The following ZNF311 variants were observed in gnomAD, a reference collection of about 807,000 sequenced individuals.
ZNF311 encodes zinc finger protein zfp31.
A neutral mutation model predicts 22.7 loss-of-function variants in ZNF311; 14 were observed. That is an observed-to-expected ratio of 0.62 (90% CI 0.41 to 0.96). The LOEUF is 0.96. ZNF311 is among the 40% of genes least tolerant of loss of function. The pLI is 0.00. For synonymous variants in ZNF311, 250 were observed against 275.3 expected (o/e 0.91, Z 0.91); for missense variants, 731 against 799.0 (o/e 0.91, Z 1.03).
chr6:28,995,495 C>A lies in ZNF311; in HGVS notation c.1507G>T (p.Asp503Tyr), dbSNP rs765217000. 41 of 1,612,826 alleles carry A rather than the reference C, an allele frequency of 2.5e-5. No individual in the cohort carries two copies. The highest frequency in any genetic ancestry group is 3.5e-5 in the Non-Finnish European group (41 of 1,179,568). ...HTGEKPYQCR[D>Y]CGKTFQDKHC... ...TTATCTTGGAAGGTTTTCCCACAAT[C>A]CCTGCATTGATAGGGCTTCTCCCCT... Residue 503 changes from aspartate to tyrosine, a missense_variant, in exon 7 of 7, where the codon GAT becomes TAT. Coordinates refer to ENST00000377179, the MANE Select transcript of ZNF311 (RefSeq NM_001382360.1). The surrounding 1 kb of genome is among the most constrained non-coding windows in gnomAD (Gnocchi z 4.7).
chr6:29,000,043 T>C lies in ZNF311; in HGVS notation c.96A>G (p.Leu32=). The C allele has an allele frequency of 6.2e-7, 1 of 1,613,174 alleles. No homozygotes were observed. The highest frequency in any genetic ancestry group is 1.3e-5 in the African/African-American group (1 of 75,028). ...TGAAGGCAGGATATGGAGCAGGTAA[T>C]AGAGCTGAGGGAAGATAAGTAAGCC... The part of the protein sequence containing the change: ...QDTQLPQESA[L]LPAPYPAFTK... Residue 32 remains leucine (L), a synonymous_variant, in exon 4 of 7, where the codon CTA becomes CTG. Coordinates refer to ENST00000377179, the MANE Select transcript of ZNF311 (RefSeq NM_001382360.1).
rs1488792914 is a variant in ZNF311 at position 28,998,773 on chromosome 6, C to T, written c.376G>A (p.Asp126Asn). 1.2e-6 allele frequency: 2 copies of T among 1,612,722 alleles called. No individual in the cohort carries two copies. Among genetic ancestry groups the T allele is most frequent in the Non-Finnish European group, 1.7e-6 (2 of 1,179,948 alleles). Residue 126 changes from aspartate (D) to asparagine (N), a missense_variant, in exon 6 of 7, where the codon GAT becomes AAT. Coordinates refer to ENST00000377179, the MANE Select transcript of ZNF311 (RefSeq NM_001382360.1). Reference protein sequence around the residue: ...LEREVDPCVQDPQDRESLSCS... With the variant: ...LEREVDPCVQNPQDRESLSCS... ...CTTAGGGACTCCCTGTCCTGTGGAT[C>T]CTGCACACAGGGGTCTACTTCTCGC... is the stretch of plus-strand genomic sequence containing the variant.
chr6:29,003,622 G>A (rs1780759253), intron 2 of ZNF311, 28 bp from the exon 3 acceptor site: 4 of 1,611,548 alleles, frequency 2.5e-6, no homozygotes, highest in Non-Finnish European at 3.4e-6. Flanking sequence ...ATGAATTCAG[G>A]AAAGTTATGA....
chr6:29,001,068 G>T (rs529543603), intron 3 of ZNF311, among the ~76,000 whole-genome samples: 4 of 152,260 alleles, frequency 2.6e-5, no homozygotes, highest in Admixed American at 2.6e-4. Context: ...GAGCCACCAC[G>T]CCCAGCTGAG....
rs1780836956 is a variant in ZNF311 at position 29,004,094 on chromosome 6, C to T, written c.-140G>A. The T allele has an allele frequency of 6.3e-7, 1 of 1,589,010 alleles. No individual in the cohort carries two copies. Among genetic ancestry groups the T allele is most frequent in the East Asian group, 2.2e-5 (1 of 44,738 alleles). On this transcript the variant is annotated 5_prime_UTR_variant, in exon 2 of 7. Coordinates refer to ENST00000377179, the MANE Select transcript of ZNF311 (RefSeq NM_001382360.1). ...TGGAGAACACATGTTTTGGTGGTGCCAGCCAAAGGGCCCTTCTTGACCCAC... is the reference window on the plus strand; with the variant it reads ...TGGAGAACACATGTTTTGGTGGTGCTAGCCAAAGGGCCCTTCTTGACCCAC...
chr6:28,999,931 G>T, intron 4 of ZNF311, 25 bp downstream of exon 4: 1 of 1,605,046 alleles, frequency 6.2e-7, no homozygotes, highest in Non-Finnish European at 8.5e-7. Context: ...TATTTTCAAG[G>T]AGGAGGAAAG....
chr6:28,996,032 T>A lies in ZNF311; in HGVS notation c.970A>T (p.Thr324Ser), dbSNP rs1333026901. Residue 324 changes from threonine (T) to serine (S), a missense_variant, in exon 7 of 7, where the codon ACC becomes TCC. Physicochemically the swap from Thr to Ser is moderately conservative, Grantham distance 58. Coordinates refer to ENST00000377179, the MANE Select transcript of ZNF311 (RefSeq NM_001382360.1). ...SRSALCRHKK[T>S]HSGEKPHECR... ...TCGTGAGGCTTCTCCCCACTGTGGG[T>A]TTTTTTATGTCGGCAAAGAGCTGAT... The A allele has an allele frequency of 3.1e-6, 5 of 1,613,288 alleles. No individual in the cohort carries two copies. The Admixed American group carries it at 5.0e-5, about 16-fold the overall frequency.
intron 3 of ZNF311, among the ~76,000 whole-genome samples, chr6:29,001,779 C>G (rs1007076072): frequency 6.6e-6 from 1 of 152,186 alleles, no homozygotes; most frequent in Non-Finnish European, 1.5e-5. Context: ...ATCTATTCCT[C>G]TCTCTGTTCA....
In ZNF311 at chr6:28,995,986, G is replaced by A; in HGVS notation, c.1016C>T (p.Ala339Val). ...KPHECRDCGKAFKTRNRLCMH... is the reference protein window; with the variant it reads ...KPHECRDCGKVFKTRNRLCMH... The stretch of plus-strand genomic sequence containing the variant: ...ACAGAGACGGTTCCTGGTCTTGAAG[G>A]CCTTCCCACAGTCCCTGCACTCGTG... Residue 339 changes from alanine to valine, a missense_variant, in exon 7 of 7, where the codon GCC becomes GTC. By Grantham distance (64) the Ala-to-Val change is moderately conservative (BLOSUM62 0). Transcript: ENST00000377179. The surrounding 1 kb of genome is among the most constrained non-coding windows in gnomAD (Gnocchi z 4.7). 1 of 1,613,684 alleles carries A rather than the reference G, an allele frequency of 6.2e-7. No individual in the cohort carries two copies. The highest frequency in any genetic ancestry group is 8.5e-7 in the Non-Finnish European group (1 of 1,180,008).
intron 6 of ZNF311, 151 bp from the exon 7 acceptor site, chr6:28,996,737 G>T: frequency 1.2e-6 from 1 of 816,402 alleles, no homozygotes; most frequent in Non-Finnish European, 1.9e-6. Flanking sequence ...CTGAAATAAT[G>T]AAAAGTATTG....
At chr6:29,003,647 C>G (rs1375927590) in intron 2 of ZNF311, 53 bp from the exon 3 acceptor site, 10 of 1,590,396 alleles carry the variant, frequency 6.3e-6, no homozygotes, top group Non-Finnish European at 8.6e-6. Context: ...GAGAAAAATA[C>G]ATAGGAAGAT....
rs529738118 is a variant in ZNF311 at position 28,995,026 on chromosome 6, A to C, written c.1976T>G (p.Val659Gly). 1.3e-5 allele frequency: 21 copies of C among 1,611,210 alleles called. No individual in the cohort carries two copies. The highest frequency in any genetic ancestry group is 1.7e-5 in the Admixed American group (1 of 59,928). ...LSPVTVSQTS[V>G]VSILTSA ...TCAGGCACTGGTCAAAATACTGACT[A>C]CTGAGGTCTGAGAAACAGTCACTGG... Residue 659 changes from valine to glycine, a missense_variant, in exon 7 of 7, where the codon GTA becomes GGA. Transcript: ENST00000377179. This position sits in a 1 kb window ranked among gnomAD's most constrained non-coding sequence, Gnocchi z 4.7.
Position 28,995,930 on chromosome 6 carries a change from G to A in ZNF311, c.1072C>T (p.Pro358Ser). 1.2e-6 allele frequency: 2 copies of A among 1,613,862 alleles called. No homozygotes were observed. Among genetic ancestry groups the A allele is most frequent in the Non-Finnish European group, 1.7e-6 (2 of 1,180,012 alleles). Residue 358 changes from proline to serine, a missense_variant, in exon 7 of 7, where the codon CCT becomes TCT. Coordinates refer to ENST00000377179, the MANE Select transcript of ZNF311 (RefSeq NM_001382360.1). The surrounding 1 kb of genome is among the most constrained non-coding windows in gnomAD (Gnocchi z 4.7). ...TTCCCACAGCAGTTACATTTGTAAG[G>A]CTTCTCCCCGGTGTGGATAAGCTGA... is the stretch of plus-strand genomic sequence containing the variant. ...MHQLIHTGEK[P>S]YKCNCCGKAF...
At chr6:28,997,096 G>C (rs1027815422) in intron 6 of ZNF311, among the ~76,000 whole-genome samples, 1 of 152,192 alleles carries the variant, frequency 6.6e-6, no homozygotes, top group Admixed American at 6.5e-5. Flanking sequence ...AACCAGGTCA[G>C]ATTCTCTAAT....
rs1779992808 is a variant in ZNF311, at chr6:28,998,777, C to T, written c.372G>A (p.Val124=). 2 of 1,612,782 alleles carry T rather than the reference C, an allele frequency of 1.2e-6. No individual in the cohort carries two copies. The highest frequency in any genetic ancestry group is 1.7e-6 in the Non-Finnish European group (2 of 1,179,992). The stretch of plus-strand genomic sequence containing the variant: ...GGGACTCCCTGTCCTGTGGATCCTG[C>T]ACACAGGGGTCTACTTCTCGCTCCA... The part of the protein sequence containing the change: ...SHLEREVDPC[V]QDPQDRESLS... The change falls in exon 6 of 7, where the codon GTG becomes GTA. Residue 124 remains valine (V), a synonymous_variant. Transcript: ENST00000377179.
rs1196916315 is a variant in ZNF311 at position 28,995,810 on chromosome 6, C to T, written c.1192G>A (p.Gly398Arg). The T allele has an allele frequency of 6.2e-7, 1 of 1,613,856 alleles. No individual in the cohort carries two copies. Among genetic ancestry groups the T allele is most frequent in the South Asian group, 1.1e-5 (1 of 91,060 alleles). The change falls in exon 7 of 7, where the codon GGG becomes AGG. Residue 398 changes from glycine to arginine, a missense_variant. Physicochemically the swap from Gly to Arg is moderately radical, Grantham distance 125. Coordinates refer to ENST00000377179, the MANE Select transcript of ZNF311 (RefSeq NM_001382360.1). The surrounding 1 kb of genome is among the most constrained non-coding windows in gnomAD (Gnocchi z 4.7). ...ECEECGKAFS[G>R]SSDLTKHIRI... ...ATGTGTTTGGTGAGGTCTGAACTCCCACTGAAGGCCTTCCCGCACTCCTCA... is the reference window on the plus strand; with the variant it reads ...ATGTGTTTGGTGAGGTCTGAACTCCTACTGAAGGCCTTCCCGCACTCCTCA...
chr6:28,997,948 C>A (rs1308399560), intron 6 of ZNF311, among the ~76,000 whole-genome samples: 2 of 152,128 alleles, frequency 1.3e-5, no homozygotes, highest in African/African-American at 4.8e-5. Context: ...TCCCAAAAAA[C>A]AGACGTCATA....
chr6:29,001,096 A>G (rs1376957723), intron 3 of ZNF311, among the ~76,000 whole-genome samples: 1 of 152,146 alleles, frequency 6.6e-6, no homozygotes, highest in Admixed American at 6.6e-5. Flanking sequence ...TCATATTACT[A>G]ATTAATAGGG....
rs1416776958 is a variant in ZNF311 at position 28,994,925 on chromosome 6, G to C, written c.*76C>G. Reference sequence around the variant, plus strand: ...TCACAATTAAGGGTCAGGAAATCAGGAATAACTAATATAAGAGACAGAAGG... The same window carrying C: ...TCACAATTAAGGGTCAGGAAATCAGCAATAACTAATATAAGAGACAGAAGG... On this transcript the variant is annotated 3_prime_UTR_variant, in exon 7 of 7. Transcript: ENST00000377179. 4.9e-6 allele frequency: 7 copies of C among 1,428,250 alleles called. No individual in the cohort carries two copies. Among genetic ancestry groups the C allele is most frequent in the Non-Finnish European group, 6.5e-6 (7 of 1,083,866 alleles). 88.5% of individuals were successfully genotyped at this position (1,428,250 alleles called of 1,614,324 possible).
Sources: gnomAD v4.1 joint callset for allele counts (sites outside exome capture counted in the v4.1 genomes callset) on GRCh38, gnomAD v4.1.1 for gene constraint, Gnocchi (gnomAD v3.1) non-coding constraint, MANE v1.5 for transcripts, NCBI Gene and HGNC (gene_info 2026-07-23, HGNC 2026-07-21) for gene names.